PHLDB2: variants seen among roughly 807,000 people sequenced by gnomAD.
PHLDB2 encodes the protein pleckstrin homology like domain family B member 2.
Under a neutral mutation model 123.6 loss-of-function variants are expected in PHLDB2, and 71 were observed. That is an observed-to-expected ratio of 0.57 (90% confidence interval 0.47 to 0.70). PHLDB2 has a LOEUF of 0.70. PHLDB2 is among the 30% of genes least tolerant of loss of function. The pLI, the probability that PHLDB2 is intolerant of heterozygous loss-of-function variation, is 0.00. For synonymous variants in PHLDB2, 547 were observed against 541.6 expected (o/e 1.01, Z -0.14); for missense variants, 1,446 against 1,519.5 (o/e 0.95, Z 0.80).
chr3:111,840,162 G>T (rs908672750), intron 1 of PHLDB2, among the ~76,000 whole-genome samples: 2 of 151,774 alleles, frequency 1.3e-5, no homozygotes, highest in African/African-American at 4.8e-5. Context: ...TGAGGCAGAA[G>T]AATTGCTTGA....
intron 1 of PHLDB2, among the ~76,000 whole-genome samples, chr3:111,837,694 G>A (rs1191598329): frequency 6.6e-6 from 1 of 152,066 alleles, no homozygotes; most frequent in African/African-American, 2.4e-5. Context: ...GCTAATCAAG[G>A]TTAGTATTAA....
intron 1 of PHLDB2, among the ~76,000 whole-genome samples, chr3:111,825,534 G>C (rs1281557371): frequency 6.6e-6 from 1 of 152,208 alleles, no homozygotes; most frequent in African/African-American, 2.4e-5. Context: ...GGGAGCCTCT[G>C]CCTGATGGGT....
chr3:111,937,404 G>A (rs1474456876), intron 6 of PHLDB2, among the ~76,000 whole-genome samples: 1 of 152,298 alleles, frequency 6.6e-6, no homozygotes, highest in Non-Finnish European at 1.5e-5. Flanking sequence ...GGTTATGTTA[G>A]CTATGTAGAG....
chr3:111,892,097 A>ATGT (rs1491180872), intron 2 of PHLDB2, among the ~76,000 whole-genome samples: 26 of 151,828 alleles, frequency 1.7e-4, no homozygotes, highest in Admixed American at 1.6e-3. Flanking sequence ...TTTCTCAAAC[A>ATGT]TGTTGTAATG....
At chr3:111,740,422 G>A (rs1471136388) in intron 1 of PHLDB2, among the ~76,000 whole-genome samples, 1 of 152,016 alleles carries the variant, frequency 6.6e-6, no homozygotes, top group Non-Finnish European at 1.5e-5. Context: ...AATTTTCGAG[G>A]TACATGAAGT....
At chr3:111,926,651 G>GA (rs1459110367) in intron 5 of PHLDB2, among the ~76,000 whole-genome samples, 13 of 151,572 alleles carry the variant, frequency 8.6e-5, no homozygotes, top group African/African-American at 2.9e-4. Flanking sequence ...AAAGCCAAAG[G>GA]AAAAAAATCT....
intron 16 of PHLDB2, among the ~76,000 whole-genome samples, chr3:111,970,987 G>C (rs1294974548): frequency 6.6e-6 from 1 of 152,036 alleles, no homozygotes; most frequent in African/African-American, 2.4e-5. Context: ...GGAGCTGGTA[G>C]GGGAATGCCT....
intron 1 of PHLDB2, among the ~76,000 whole-genome samples, chr3:111,827,713 A>C (rs2062735945): frequency 6.7e-6 from 1 of 149,844 alleles, no homozygotes; most frequent in Admixed American, 6.6e-5. Flanking sequence ...AAAAAAAAGG[A>C]AAGACCAAAA....
chr3:111,955,246 G>A (rs552928378), intron 12 of PHLDB2, among the ~76,000 whole-genome samples: 17 of 151,712 alleles, frequency 1.1e-4, no homozygotes, highest in African/African-American at 4.1e-4. Context: ...TTTATAATGT[G>A]TAAGAGACAT....
intron 1 of PHLDB2, among the ~76,000 whole-genome samples, chr3:111,810,541 G>A (rs912926371): frequency 9.2e-5 from 14 of 152,104 alleles, no homozygotes; most frequent in Middle Eastern, 3.4e-3. Flanking sequence ...TCTGTCTGTC[G>A]TCTCCTTTTA....
At chr3:111,845,010 G>A (rs1242544694) in intron 1 of PHLDB2, among the ~76,000 whole-genome samples, 1 of 152,146 alleles carries the variant, frequency 6.6e-6, no homozygotes, top group Non-Finnish European at 1.5e-5. Context: ...TTAAAGTCAG[G>A]AACTCTTTGG....
chr3:111,741,968 G>T (rs1438556583), intron 1 of PHLDB2, among the ~76,000 whole-genome samples: 2 of 152,152 alleles, frequency 1.3e-5, no homozygotes, highest in Non-Finnish European at 2.9e-5. Flanking sequence ...TTATGAGTAA[G>T]ATTAACCAAT....
intron 1 of PHLDB2, among the ~76,000 whole-genome samples, chr3:111,878,931 A>T (rs1028032853): frequency 1.3e-5 from 2 of 152,094 alleles, no homozygotes; most frequent in African/African-American, 4.8e-5. Flanking sequence ...AAGCTTTTTG[A>T]TGTGCTGCTG....
intron 1 of PHLDB2, among the ~76,000 whole-genome samples, chr3:111,816,560 G>A (rs1266371074): frequency 6.6e-6 from 1 of 152,148 alleles, no homozygotes; most frequent in Admixed American, 6.5e-5. Context: ...CTCCCATTTG[G>A]AATGGCTGTA....
rs554831606 is a variant in PHLDB2 at position 111,906,353 on chromosome 3, G to A, written c.1336-6966G>A. ...TAAGGTAGATATTCTAGTAATTCTG[G>A]TTTATACTTGAGGAAACTGAGACAC... is the stretch of plus-strand genomic sequence containing the variant. On this transcript the variant is annotated intron_variant, in intron 2 of 17. Transcript: ENST00000431670. Among the ~76,000 whole-genome samples the A allele has an allele frequency of 1.3e-4, 20 of 152,276 alleles. 1 individual carries two copies. The highest frequency in any genetic ancestry group is 1.5e-5 in the Non-Finnish European group (1 of 68,020).
At chr3:111,801,881 T>C (rs2061391768) in intron 1 of PHLDB2, among the ~76,000 whole-genome samples, 1 of 3,608 alleles carries the variant, frequency 2.8e-4, no homozygotes, top group Admixed American at 3.2e-3. Context: ...ATGGGTGTTT[T>C]GTTTTGTTTT....
In PHLDB2 at chr3:111,792,034, G is replaced by A. The variant is rs1180889346; in HGVS notation, c.-48-53787G>A. Among the ~76,000 whole-genome samples the A allele has an allele frequency of 2.0e-5, 3 of 152,094 alleles. No individual in the cohort carries two copies. In the South Asian group the frequency reaches 6.2e-4, roughly 32 times the overall value. ...ATCATTCTCCTCTCTACTTCCATGA[G>A]ATCAACTTTTTTAGCTTTCACATAT... On this transcript the variant is annotated intron_variant, in intron 1 of 17. Transcript: ENST00000393923.
Position 111,940,529 on chromosome 3 carries a change from C to G in PHLDB2, c.2287-6C>G. ...CATCTTCCTATGATCATCTCTTTTC[C>G]TCCAGGAAAAAATTTCTGCATTGAA... On this transcript the variant is annotated splice_polypyrimidine_tract_variant and splice_region_variant and intron_variant, in intron 7 of 17. Coordinates refer to ENST00000431670, the MANE Select transcript of PHLDB2 (RefSeq NM_001134438.2). 6.4e-7 allele frequency: 1 copy of G among 1,561,944 alleles called. No individual in the cohort carries two copies.
At chr3:111,813,705 A>C (rs1428627488) in intron 1 of PHLDB2, among the ~76,000 whole-genome samples, 3 of 152,236 alleles carry the variant, frequency 2.0e-5, no homozygotes. Context: ...TTAAGGCTGC[A>C]ATCTGGTTCA....
Sources: gnomAD v4.1 joint callset for allele counts (sites outside exome capture counted in the v4.1 genomes callset) on GRCh38, gnomAD v4.1.1 for gene constraint, MANE v1.5 for transcripts, NCBI Gene and HGNC (gene_info 2026-07-23, HGNC 2026-07-21) for gene names.